The following CERS6 variants were observed in gnomAD, a reference collection of about 807,000 sequenced individuals.
CERS6 encodes the protein LAG1 homolog, ceramide synthase 6.
A neutral mutation model predicts 56.8 loss-of-function variants in CERS6; 26 were observed. The ratio of observed to expected loss-of-function variants is 0.46; its 90% CI spans 0.34 to 0.63. CERS6 has a LOEUF of 0.63. CERS6 is among the 30% of genes least tolerant of loss of function. CERS6 has a pLI of 0.01. For missense variants in CERS6, 415 were observed against 467.5 expected, an observed-to-expected ratio of 0.89 and a Z score of 1.04; for synonymous variants, 164 against 173.3, an observed-to-expected ratio of 0.95 and a Z score of 0.42.
intron 3 of CERS6, among the ~76,000 whole-genome samples, chr2:168,573,712 G>A (rs1038995777): frequency 2.6e-5 from 4 of 152,024 alleles, no homozygotes; most frequent in African/African-American, 9.7e-5. Flanking sequence ...GATCTGTCAT[G>A]GAACCTTCTC....
chr2:168,578,420 A>G (rs1448071314), intron 3 of CERS6, among the ~76,000 whole-genome samples: 1 of 152,194 alleles, frequency 6.6e-6, no homozygotes, highest in Non-Finnish European at 1.5e-5. Context: ...ATGATGTTCC[A>G]TTCTAAACTC....
chr2:168,740,049 T>G (rs943700016), intron 8 of CERS6, among the ~76,000 whole-genome samples: 1 of 151,904 alleles, frequency 6.6e-6, no homozygotes, highest in African/African-American at 2.4e-5. Flanking sequence ...CAGGTCCAAT[T>G]AGGAGCTGAT....
intron 1 of CERS6, among the ~76,000 whole-genome samples, chr2:168,490,250 T>G (rs1396067168): frequency 6.6e-6 from 1 of 152,148 alleles, no homozygotes; most frequent in African/African-American, 2.4e-5. Context: ...GGGGATTCGC[T>G]TCTCCATTTT....
At chr2:168,677,148 T>C (rs751318004) in intron 4 of CERS6, among the ~76,000 whole-genome samples, 1 of 152,004 alleles carries the variant, frequency 6.6e-6, no homozygotes, top group Non-Finnish European at 1.5e-5. Flanking sequence ...TAGGTATTTC[T>C]CCTGACGCTA....
chr2:168,463,827 C>T (rs753861994), intron 1 of CERS6, among the ~76,000 whole-genome samples: 5 of 152,062 alleles, frequency 3.3e-5, no homozygotes, highest in South Asian at 2.1e-4. Flanking sequence ...GAGGATCACT[C>T]GAGCTTGGGA....
At chr2:168,639,224 G>A (rs1420515832) in intron 4 of CERS6, among the ~76,000 whole-genome samples, 2 of 152,168 alleles carry the variant, frequency 1.3e-5, no homozygotes, top group Non-Finnish European at 2.9e-5. Flanking sequence ...GCTTCCTTTG[G>A]CCGGAGGCAG....
chr2:168,547,649 A>G lies in CERS6; in HGVS notation c.224A>G (p.Gln75Arg), dbSNP rs763858278. The change falls in exon 2 of 10, where the codon CAA becomes CGA. Residue 75 changes from glutamine (Q) to arginine (R), a missense_variant. Gln to Arg is a conservative substitution (Grantham distance 43). Coordinates refer to ENST00000305747, the MANE Select transcript of CERS6 (RefSeq NM_203463.3). The stretch of plus-strand genomic sequence containing the variant: ...CTCAACATTCAGGCCAATGGACCAC[A>G]AATTGCTCCGCCCAATGCCATTCTG... ...IALNIQANGP[Q>R]IAPPNAILEK... The G allele has an allele frequency of 1.9e-6, 3 of 1,614,104 alleles. No homozygotes were observed. Among genetic ancestry groups the G allele is most frequent in the Non-Finnish European group, 2.5e-6 (3 of 1,179,912 alleles).
intron 3 of CERS6, among the ~76,000 whole-genome samples, chr2:168,625,156 AG>A (rs1403058695): frequency 1.3e-5 from 2 of 152,218 alleles, no homozygotes; most frequent in Admixed American, 1.3e-4. Flanking sequence ...AGCTGAAATG[AG>A]AATGTCTCAA....
At chr2:168,696,104 G>A (rs545911084) in intron 6 of CERS6, among the ~76,000 whole-genome samples, 5 of 152,134 alleles carry the variant, frequency 3.3e-5, no homozygotes, top group African/African-American at 4.8e-5. Context: ...GATACACAAC[G>A]TATATTGTGT....
intron 4 of CERS6, among the ~76,000 whole-genome samples, chr2:168,631,712 T>C (rs1684742760): frequency 8.4e-6 from 1 of 118,682 alleles, no homozygotes; most frequent in Non-Finnish European, 1.6e-5. Flanking sequence ...ATATTTATAT[T>C]ATATTTATAT....
intron 4 of CERS6, among the ~76,000 whole-genome samples, chr2:168,678,603 A>C (rs1686130001): frequency 6.6e-6 from 1 of 152,092 alleles, no homozygotes; most frequent in East Asian, 1.9e-4. Context: ...CAGTAATTAC[A>C]CTTTTACTGC....
chr2:168,632,530 T>C (rs763978124), intron 4 of CERS6, among the ~76,000 whole-genome samples: 17 of 152,170 alleles, frequency 1.1e-4, no homozygotes, highest in Non-Finnish European at 1.8e-4. Context: ...CCAGAGGCCA[T>C]TTGAATCGAT....
chr2:168,513,953 T>G (rs553208608), intron 1 of CERS6, among the ~76,000 whole-genome samples: 4 of 152,172 alleles, frequency 2.6e-5, no homozygotes, highest in Admixed American at 2.6e-4. Flanking sequence ...TGCTGCTCCC[T>G]AGGAAGTGTT....
chr2:168,655,703 G>A (rs916138092), intron 4 of CERS6, among the ~76,000 whole-genome samples: 5 of 152,138 alleles, frequency 3.3e-5, no homozygotes, highest in Admixed American at 1.3e-4. Flanking sequence ...AAACAGCAGC[G>A]GGTAGGTGGG....
intron 4 of CERS6, among the ~76,000 whole-genome samples, chr2:168,649,560 AT>A (rs1469061727): frequency 6.6e-6 from 1 of 152,030 alleles, no homozygotes; most frequent in Non-Finnish European, 1.5e-5. Context: ...CTCCTTCTGT[AT>A]TTTTTTAACC....
At chr2:168,508,943 G>T (rs1169346882) in intron 1 of CERS6, among the ~76,000 whole-genome samples, 2 of 152,174 alleles carry the variant, frequency 1.3e-5, no homozygotes, top group Non-Finnish European at 2.9e-5. Context: ...GGGCCAATTT[G>T]TCCTTTAGGT....
At chr2:168,487,979 C>T (rs965478380) in intron 1 of CERS6, among the ~76,000 whole-genome samples, 1 of 152,162 alleles carries the variant, frequency 6.6e-6, no homozygotes, top group Non-Finnish European at 1.5e-5. Flanking sequence ...CTTGGCCTCC[C>T]AAAGTACTGG....
chr2:168,584,092 A>G (rs1021222200), intron 3 of CERS6, among the ~76,000 whole-genome samples: 8 of 152,208 alleles, frequency 5.3e-5, no homozygotes, highest in African/African-American at 1.4e-4. Flanking sequence ...GAGAGTCAGG[A>G]TCTGTGTGTG....
At chr2:168,695,767 G>T (rs1200509916) in intron 6 of CERS6, among the ~76,000 whole-genome samples, 2 of 152,272 alleles carry the variant, frequency 1.3e-5, no homozygotes, top group South Asian at 2.1e-4. Context: ...GGATGATTGA[G>T]TTGATACTTC....
Sources: gnomAD v4.1 joint callset for allele counts (sites outside exome capture counted in the v4.1 genomes callset) on GRCh38, gnomAD v4.1.1 for gene constraint, MANE v1.5 for transcripts, NCBI Gene and HGNC (gene_info 2026-07-23, HGNC 2026-07-21) for gene names.